Variants in TTLL1 observed in about 807,000 individuals in gnomAD.
TTLL1 encodes polyglutamylase complex subunit TTLL1.
A neutral mutation model predicts 47.8 loss-of-function variants in TTLL1; 33 were observed. The ratio of observed to expected loss-of-function variants is 0.69; its 90% confidence interval spans 0.52 to 0.92. TTLL1 has a LOEUF of 0.92. TTLL1 is among the 40% of genes least tolerant of loss of function. The probability of loss-of-function intolerance (pLI) is 0.00; values close to 1 mark genes in which losing one functional copy is unlikely to be tolerated. For synonymous variants in TTLL1, 225 were observed against 214.1 expected (o/e 1.05, Z -0.45); for missense variants, 488 against 547.5 (o/e 0.89, Z 1.08).
intron 1 of TTLL1, among the ~76,000 whole-genome samples, chr22:43,088,322 A>AGCTTTTTTTT (rs1929374399): frequency 1.1e-5 from 1 of 87,854 alleles, no homozygotes; most frequent in African/African-American, 4.9e-5. Context: ...AGAAGGGCCC[A>AGCTTTTTTTT]TCTTTTTTTT....
chr22:43,076,615 G>A (rs975304845), intron 2 of TTLL1, among the ~76,000 whole-genome samples: 1 of 151,630 alleles, frequency 6.6e-6, no homozygotes, highest in Non-Finnish European at 1.5e-5. Context: ...GCCAGGCATG[G>A]TGGCATGCGC....
At chr22:43,058,100 C>T (rs1453236234) in intron 8 of TTLL1, among the ~76,000 whole-genome samples, 7 of 151,972 alleles carry the variant, frequency 4.6e-5, no homozygotes, top group South Asian at 2.1e-4. Context: ...CCCACTACCA[C>T]GCCCGGCAAA....
Position 43,039,704 on chromosome 22 carries a change from G to A in TTLL1, c.*72C>T. On this transcript the variant is annotated 3_prime_UTR_variant, in exon 11 of 11. Coordinates refer to ENST00000266254, the MANE Select transcript of TTLL1 (RefSeq NM_012263.5). The stretch of plus-strand genomic sequence containing the variant: ...AGGAAAGGAAAAAAGCTCTACAAAA[G>A]GGAAATTTCAAAATAGGGCTTCAGC... 6.7e-7 allele frequency: 1 copy of A among 1,484,578 alleles called. No homozygotes were observed. The highest frequency in any genetic ancestry group is 9.0e-7 in the Non-Finnish European group (1 of 1,113,332). The allele number at this position is 1,484,578 out of a possible 1,614,324, so 92.0% of individuals were successfully genotyped here.
intron 5 of TTLL1, among the ~76,000 whole-genome samples, chr22:43,065,014 G>A (rs913091775): frequency 2.0e-5 from 3 of 151,856 alleles, no homozygotes; most frequent in Middle Eastern, 3.2e-3. Context: ...GCATGGGGGC[G>A]GGTGCCTGTA....
chr22:43,054,296 T>C lies in TTLL1; in HGVS notation c.892-2409A>G, dbSNP rs193032322. On this transcript the variant is annotated intron_variant, in intron 8 of 10. Coordinates refer to ENST00000266254, the MANE Select transcript of TTLL1 (RefSeq NM_012263.5). Reference sequence around the variant, plus strand: ...AGCAGTGAACTAGGTCCCGGGTTTTTTCTGTCGAATCCTCTGTGAGCCAAA... The same window carrying C: ...AGCAGTGAACTAGGTCCCGGGTTTTCTCTGTCGAATCCTCTGTGAGCCAAA... Among the ~76,000 whole-genome samples, 405 of 152,348 alleles carry C rather than the reference T, an allele frequency of 2.7e-3. 3 individuals are homozygous for C. Among genetic ancestry groups the C allele is most frequent in the African/African-American group, 9.1e-3 (379 of 41,592 alleles).
At chr22:43,070,051 A>T in intron 3 of TTLL1, 1 of 1,185,828 alleles carries the variant, frequency 8.4e-7, no homozygotes, top group Non-Finnish European at 1.2e-6. Flanking sequence ...TGTGAGGGCC[A>T]GGAGCTGTGC....
At chr22:43,071,327 T>G (rs1041642743) in intron 3 of TTLL1, among the ~76,000 whole-genome samples, 2 of 152,150 alleles carry the variant, frequency 1.3e-5, no homozygotes, top group African/African-American at 2.4e-5. Context: ...TTCCCTTTAT[T>G]TATCAGTTTT....
intron 4 of TTLL1, 121 bp downstream of exon 4, chr22:43,069,515 C>T: frequency 6.6e-7 from 1 of 1,523,098 alleles, no homozygotes; most frequent in Non-Finnish European, 8.8e-7. Flanking sequence ...ACAGGTGCCA[C>T]CACAACTCGC....
intron 8 of TTLL1, among the ~76,000 whole-genome samples, chr22:43,056,462 CTTTT>C (rs1052016247): frequency 4.8e-5 from 5 of 103,702 alleles, no homozygotes; most frequent in Non-Finnish European, 7.9e-5. Context: ...TTCTTCTTGT[CTTTT>C]TTTTTTTTTT....
At chr22:43,044,727 C>T (rs1407643207) in intron 10 of TTLL1, among the ~76,000 whole-genome samples, 6 of 151,796 alleles carry the variant, frequency 4.0e-5, no homozygotes, top group African/African-American at 1.4e-4. Context: ...CGCATGTAAG[C>T]CACCGCACAT....
intron 10 of TTLL1, 31 bp downstream of exon 10, chr22:43,046,379 A>C (rs561672917): frequency 2.5e-6 from 4 of 1,608,592 alleles, no homozygotes; most frequent in Admixed American, 1.7e-5. Context: ...GAAACACAGA[A>C]GGACAAGCGC....
intron 3 of TTLL1, among the ~76,000 whole-genome samples, chr22:43,072,665 G>A (rs1928207352): frequency 6.6e-6 from 1 of 152,050 alleles, no homozygotes; most frequent in South Asian, 2.1e-4. Flanking sequence ...TAGAGATGAG[G>A]TTTCACCATT....
In TTLL1 at chr22:43,063,853, ATGT is replaced by A; in HGVS notation, c.704_706del (p.Asn235del). On this transcript the variant is annotated inframe_deletion, in exon 7 of 11. Transcript: ENST00000266254. ...GGCGACGTTGGTGAGATGAACGAAC[ATGT>A]TGTCCAGCTCACTGGTACTCGGGGT... The A allele has an allele frequency of 4.3e-6, 7 of 1,614,082 alleles. No homozygotes were observed. Among genetic ancestry groups the A allele is most frequent in the Non-Finnish European group, 5.9e-6 (7 of 1,179,978 alleles).
At chr22:43,084,947 A>C (rs1929132653) in intron 1 of TTLL1, among the ~76,000 whole-genome samples, 1 of 147,170 alleles carries the variant, frequency 6.8e-6, no homozygotes, top group Admixed American at 7.0e-5. Flanking sequence ...CATCATTAAG[A>C]ACAAAAGCTG....
chr22:43,088,034 G>A (rs1199866273), intron 1 of TTLL1, among the ~76,000 whole-genome samples: 1 of 151,484 alleles, frequency 6.6e-6, no homozygotes. Context: ...TGTAATCACA[G>A]CTACATGGGA....
At chr22:43,070,210 G>C in intron 3 of TTLL1, 11 of 1,333,726 alleles carry the variant, frequency 8.2e-6, no homozygotes, top group South Asian at 1.2e-5. Flanking sequence ...ATTTAAACAG[G>C]ATCTGTACCG....
chr22:43,087,183 C>G (rs1929277491), intron 1 of TTLL1, among the ~76,000 whole-genome samples: 1 of 152,208 alleles, frequency 6.6e-6, no homozygotes, highest in African/African-American at 2.4e-5. Flanking sequence ...TTATTTTCTC[C>G]ATGGCACTTG....
chr22:43,051,646 T>C (rs1185816749), intron 9 of TTLL1, among the ~76,000 whole-genome samples, 155 bp downstream of exon 9: 1 of 151,984 alleles, frequency 6.6e-6, no homozygotes, highest in South Asian at 2.1e-4. Flanking sequence ...GCTTATACCT[T>C]AACCATCAGC....
intron 1 of TTLL1, among the ~76,000 whole-genome samples, chr22:43,084,570 TGGCTCACTGCAAGCTCTGCCTCCTG>T (rs1046132251): frequency 3.3e-5 from 5 of 150,804 alleles, no homozygotes; most frequent in African/African-American, 1.2e-4. Flanking sequence ...GGCGCGATCT[TGGCTCACTGCAAGCTCTGCCTCCTG>T]GGCTCACGCC....
Sources: allele counts gnomAD v4.1 joint callset (sites outside exome capture counted in the v4.1 genomes callset), GRCh38; gene constraint gnomAD v4.1.1; transcripts MANE v1.5; gene names NCBI Gene and HGNC (gene_info 2026-07-23, HGNC 2026-07-21).